Variants in DPY19L3 observed in about 807,000 individuals in gnomAD.
DPY19L3 encodes the protein protein C-mannosyl-transferase DPY19L3.
DPY19L3 carries 51 observed loss-of-function variants against 92.3 expected under a neutral mutation model. That is an observed-to-expected ratio of 0.55 (90% CI 0.44 to 0.70). The LOEUF is 0.70. Among genes scored for constraint, DPY19L3 ranks in the 30% least tolerant of loss-of-function variants. The pLI, the probability that DPY19L3 is intolerant of heterozygous loss-of-function variation, is 0.00. For missense variants in DPY19L3, 706 were observed against 855.9 expected, an observed-to-expected ratio of 0.82 and a Z score of 2.18; for synonymous variants, 309 against 315.2, an observed-to-expected ratio of 0.98 and a Z score of 0.21.
At chr19:32,423,421 G>T (rs146791782) in intron 3 of DPY19L3, among the ~76,000 whole-genome samples, 879 of 26,054 alleles carry the variant, frequency 0.034, 1 homozygote, top group East Asian at 0.058. Context: ...TTTTTTTTTT[G>T]GTATTTTTAG....
chr19:32,427,727 C>G (rs1396128829), intron 3 of DPY19L3, among the ~76,000 whole-genome samples: 1 of 152,154 alleles, frequency 6.6e-6, no homozygotes, highest in East Asian at 1.9e-4. Context: ...TCATTCCCCT[C>G]TAACAGATGG....
chr19:32,470,770 T>C (rs1012443394), intron 16 of DPY19L3, among the ~76,000 whole-genome samples: 1 of 147,690 alleles, frequency 6.8e-6, no homozygotes, highest in Non-Finnish European at 1.5e-5. Flanking sequence ...GTAGTAGACA[T>C]ATTCCTTTGG....
chr19:32,424,470 CA>C (rs898768809), intron 3 of DPY19L3, among the ~76,000 whole-genome samples: 49 of 144,714 alleles, frequency 3.4e-4, no homozygotes, highest in Non-Finnish European at 3.7e-4. Context: ...ACTAAAAATA[CA>C]AAAAAAAAAA....
chr19:32,452,851 G>A (rs377567479), intron 8 of DPY19L3, among the ~76,000 whole-genome samples: 127 of 146,562 alleles, frequency 8.7e-4, no homozygotes, highest in Middle Eastern at 3.6e-3. Flanking sequence ...GAGCCACCAC[G>A]CCTAGCTAAT....
intron 4 of DPY19L3, among the ~76,000 whole-genome samples, chr19:32,434,569 G>C (rs955881941): frequency 1.3e-5 from 2 of 152,216 alleles, no homozygotes; most frequent in South Asian, 2.1e-4. Context: ...TGAGGCAGGA[G>C]AATCGCTTAA....
intron 16 of DPY19L3, among the ~76,000 whole-genome samples, chr19:32,472,286 G>A (rs1356345711): frequency 6.6e-6 from 1 of 152,068 alleles, no homozygotes; most frequent in East Asian, 1.9e-4. Flanking sequence ...TACAAGGATG[G>A]TGTGACATTT....
intron 3 of DPY19L3, among the ~76,000 whole-genome samples, chr19:32,424,192 C>T (rs1242314051): frequency 2.0e-5 from 3 of 151,636 alleles, no homozygotes; most frequent in Admixed American, 6.6e-5. Flanking sequence ...TGGTAGTGTG[C>T]ACCTGCAGCC....
At chr19:32,431,375 T>TC (rs1555718750) in intron 3 of DPY19L3, among the ~76,000 whole-genome samples, 1 of 90,112 alleles carries the variant, frequency 1.1e-5, no homozygotes, top group Non-Finnish European at 2.5e-5. Flanking sequence ...AAACTCCGTC[T>TC]CAAAAAAAAA....
intron 1 of DPY19L3, 46 bp from the exon 2 acceptor site, chr19:32,408,171 T>C: frequency 2.1e-6 from 2 of 944,232 alleles, no homozygotes; most frequent in South Asian, 2.8e-5. Context: ...ACGGGGTGTG[T>C]TGGGGAGAAG....
At chr19:32,463,586 T>C in intron 13 of DPY19L3, 98 bp downstream of exon 13, 1 of 1,382,450 alleles carries the variant, frequency 7.2e-7, no homozygotes, top group Non-Finnish European at 9.9e-7. Context: ...TCATTAATGA[T>C]CATGGTTCCC....
rs778023100 is a variant in DPY19L3, at chr19:32,408,361, G to A, written c.103+5G>A. On this transcript the variant is annotated splice_donor_5th_base_variant and intron_variant, in intron 2 of 18. Transcript: ENST00000392250. ...TGGAAAATAAATTGCCATCTGGTAG[G>A]TGATTTAAACTAAAGCAGCAATTTG... 6.2e-7 allele frequency: 1 copy of A among 1,609,738 alleles called. No homozygotes were observed. Among genetic ancestry groups the A allele is most frequent in the East Asian group, 2.2e-5 (1 of 44,856 alleles).
At chr19:32,425,716 A>G (rs1968738565) in intron 3 of DPY19L3, among the ~76,000 whole-genome samples, 1 of 152,084 alleles carries the variant, frequency 6.6e-6, no homozygotes, top group Admixed American at 6.6e-5. Context: ...TCTGTGTAGT[A>G]GATCTCAACA....
At position 32,480,549 on chromosome 19, in the gene DPY19L3, A is replaced by G. The variant is rs1182976858; in HGVS notation, c.1981A>G (p.Asn661Asp). The change falls in exon 18 of 19, where the codon AAC becomes GAC. Residue 661 changes from asparagine (N) to aspartate (D), a missense_variant. Physicochemically the swap from Asn to Asp is conservative, Grantham distance 23. Coordinates refer to ENST00000392250, the MANE Select transcript of DPY19L3 (RefSeq NM_001172774.2). ...CRLRDLLDIA[N>D]GHMMDGPGEN... The stretch of plus-strand genomic sequence containing the variant: ...ACTCCGGGACCTGCTGGACATTGCC[A>G]ACGGCCACGTGAGCATGCTGCCTCT... 6.2e-7 allele frequency: 1 copy of G among 1,612,536 alleles called. No individual in the cohort carries two copies. The highest frequency in any genetic ancestry group is 8.5e-7 in the Non-Finnish European group (1 of 1,179,348).
intron 10 of DPY19L3, among the ~76,000 whole-genome samples, chr19:32,455,870 C>T (rs1308359565): frequency 6.6e-6 from 1 of 152,018 alleles, no homozygotes; most frequent in Non-Finnish European, 1.5e-5. Context: ...AATTCTTGGA[C>T]CTTGATATCC....
intron 15 of DPY19L3, among the ~76,000 whole-genome samples, chr19:32,467,175 T>A (rs1249461998): frequency 7.2e-5 from 11 of 152,236 alleles, no homozygotes; most frequent in Admixed American, 7.2e-4. Context: ...TACTGCTGAT[T>A]GGTAAAAACG....
At chr19:32,473,087 AC>A (rs2096186835) in intron 16 of DPY19L3, among the ~76,000 whole-genome samples, 1 of 152,248 alleles carries the variant, frequency 6.6e-6, no homozygotes, top group African/African-American at 2.4e-5. Flanking sequence ...CATTAGTTCA[AC>A]AGCAATTAAC....
At chr19:32,428,703 A>T (rs1262944056) in intron 3 of DPY19L3, among the ~76,000 whole-genome samples, 1 of 152,224 alleles carries the variant, frequency 6.6e-6, no homozygotes, top group Non-Finnish European at 1.5e-5. Context: ...CATTGCCAGC[A>T]ACTTGTCTGA....
At chr19:32,421,899 T>C (rs1006507308) in intron 3 of DPY19L3, among the ~76,000 whole-genome samples, 1 of 151,848 alleles carries the variant, frequency 6.6e-6, no homozygotes, top group African/African-American at 2.4e-5. Context: ...AGGACAGGAA[T>C]GAAGGGAGGC....
chr19:32,413,617 A>G (rs2145405827), intron 3 of DPY19L3, among the ~76,000 whole-genome samples: 1 of 124,318 alleles, frequency 8.0e-6, no homozygotes, highest in South Asian at 3.0e-4. Flanking sequence ...ACCCCACAAC[A>G]GTCCCCAGAG....
Sources: allele counts gnomAD v4.1 joint callset (sites outside exome capture counted in the v4.1 genomes callset), GRCh38; gene constraint gnomAD v4.1.1; transcripts MANE v1.5; gene names NCBI Gene and HGNC (gene_info 2026-07-23, HGNC 2026-07-21).